The following ROR2 variants were observed in gnomAD, a reference collection of about 807,000 sequenced individuals.
ROR2 encodes the protein ROR family WNT receptor 2.
ROR2 carries 33 observed loss-of-function variants against 74.9 expected under a neutral mutation model. That is an observed-to-expected ratio of 0.44 (90% CI 0.33 to 0.59). The LOEUF is 0.59. Among genes scored for constraint, ROR2 ranks in the 20% least tolerant of loss-of-function variants. The pLI is 0.02. For missense variants in ROR2, 1,216 were observed against 1,313.8 expected (o/e 0.93, Z 1.15); for synonymous variants, 586 against 558.7 (o/e 1.05, Z -0.69).
intron 1 of ROR2, among the ~76,000 whole-genome samples, chr9:91,804,053 C>T (rs976152321): frequency 3.3e-5 from 5 of 152,174 alleles, no homozygotes; most frequent in African/African-American, 7.2e-5. Context: ...TCATTTCTGA[C>T]CTTTTGACAT....
chr9:91,844,598 C>T (rs747840012), intron 1 of ROR2, among the ~76,000 whole-genome samples: 2 of 152,176 alleles, frequency 1.3e-5, no homozygotes, highest in African/African-American at 2.4e-5. Flanking sequence ...TAGGAGGCAG[C>T]GGCTGGGGCT....
intron 1 of ROR2, among the ~76,000 whole-genome samples, chr9:91,914,768 A>T (rs1374219611): frequency 8.1e-6 from 1 of 123,446 alleles, no homozygotes; most frequent in Non-Finnish European, 1.8e-5. Context: ...TAGATCTGTC[A>T]TGACTAGGGG....
chr9:91,749,078 T>G (rs985042021), intron 4 of ROR2, among the ~76,000 whole-genome samples: 7 of 151,996 alleles, frequency 4.6e-5, no homozygotes, highest in African/African-American at 1.5e-4. Flanking sequence ...TAAAGAAATA[T>G]CAAACTACAA....
chr9:91,894,941 T>C (rs1016338972), intron 1 of ROR2, among the ~76,000 whole-genome samples: 1 of 152,192 alleles, frequency 6.6e-6, no homozygotes, highest in Non-Finnish European at 1.5e-5. Context: ...TATAAGGAGA[T>C]GAAAACTTAT....
chr9:91,780,592 A>G (rs1826584059), intron 1 of ROR2, among the ~76,000 whole-genome samples: 1 of 151,818 alleles, frequency 6.6e-6, no homozygotes, highest in Non-Finnish European at 1.5e-5. Flanking sequence ...GGAGTTTGAG[A>G]CCAGCCTGGC....
intron 1 of ROR2, among the ~76,000 whole-genome samples, chr9:91,824,569 G>C (rs1828227945): frequency 6.6e-6 from 1 of 152,204 alleles, no homozygotes; most frequent in African/African-American, 2.4e-5. Flanking sequence ...CAAAAATGTA[G>C]TAGGAAACAG....
intron 1 of ROR2, among the ~76,000 whole-genome samples, chr9:91,944,981 A>T (rs1318737047): frequency 2.0e-5 from 3 of 152,030 alleles, no homozygotes; most frequent in Non-Finnish European, 2.9e-5. Context: ...ACTTGAGCCC[A>T]GGAGGTAGAG....
intron 1 of ROR2, among the ~76,000 whole-genome samples, chr9:91,784,175 G>A (rs367751784): frequency 1.3e-5 from 2 of 152,158 alleles, no homozygotes. Context: ...CAACAGTGCT[G>A]ATTCCACCCT....
At chr9:91,917,378 A>G (rs1831163146) in intron 1 of ROR2, among the ~76,000 whole-genome samples, 1 of 152,318 alleles carries the variant, frequency 6.6e-6, no homozygotes, top group East Asian at 1.9e-4. Flanking sequence ...AAGAGACTGG[A>G]GTTCATGGGG....
At chr9:91,943,025 C>T (rs1289123623) in intron 1 of ROR2, among the ~76,000 whole-genome samples, 1 of 152,104 alleles carries the variant, frequency 6.6e-6, no homozygotes, top group South Asian at 2.1e-4. Flanking sequence ...GTCCTGGATG[C>T]CTATTTTGTT....
intron 1 of ROR2, among the ~76,000 whole-genome samples, chr9:91,873,469 TC>T (rs778800808): frequency 1.3e-5 from 2 of 151,940 alleles, no homozygotes; most frequent in Non-Finnish European, 2.9e-5. Flanking sequence ...GCGCCTACAT[TC>T]CCAGCTACTC....
chr9:91,871,569 A>T (rs1829797837), intron 1 of ROR2, among the ~76,000 whole-genome samples: 1 of 152,100 alleles, frequency 6.6e-6, no homozygotes, highest in African/African-American at 2.4e-5. Flanking sequence ...CATGCTCTCC[A>T]TATGGTGTCC....
intron 1 of ROR2, among the ~76,000 whole-genome samples, chr9:91,899,812 A>G (rs1243300339): frequency 6.6e-6 from 1 of 152,128 alleles, no homozygotes; most frequent in East Asian, 1.9e-4. Flanking sequence ...ACTCACACGT[A>G]CGCACACGTA....
At chr9:91,932,280 G>C (rs1041621975) in intron 1 of ROR2, among the ~76,000 whole-genome samples, 9 of 152,088 alleles carry the variant, frequency 5.9e-5, no homozygotes, top group African/African-American at 2.2e-4. Context: ...TCTAATATAT[G>C]TCTCAAAACT....
chr9:91,802,319 G>T (rs1037814650), intron 1 of ROR2, among the ~76,000 whole-genome samples: 1 of 151,862 alleles, frequency 6.6e-6, no homozygotes, highest in African/African-American at 2.4e-5. Flanking sequence ...CTCATGATCC[G>T]CCTGCCTCGG....
intron 1 of ROR2, among the ~76,000 whole-genome samples, chr9:91,901,343 G>C (rs80315762): frequency 0.013 from 1,930 of 152,268 alleles, 19 homozygotes; most frequent in Non-Finnish European, 0.02. Flanking sequence ...CAATAACTAG[G>C]AGGTAGTGAT....
intron 1 of ROR2, among the ~76,000 whole-genome samples, chr9:91,920,628 A>C (rs998633558): frequency 1.3e-5 from 2 of 152,352 alleles, no homozygotes; most frequent in South Asian, 2.1e-4. Context: ...GGTACTTCCT[A>C]AACACCTGGT....
At chr9:91,844,994 A>T (rs1828883506) in intron 1 of ROR2, among the ~76,000 whole-genome samples, 1 of 152,210 alleles carries the variant, frequency 6.6e-6, no homozygotes, top group South Asian at 2.1e-4. Flanking sequence ...AGACAAAGCA[A>T]AATGCATTCA....
At chr9:91,891,901 A>T (rs763257672) in intron 1 of ROR2, among the ~76,000 whole-genome samples, 1 of 152,140 alleles carries the variant, frequency 6.6e-6, no homozygotes, top group Non-Finnish European at 1.5e-5. Context: ...TACAAAAATT[A>T]GCCAGGCGTG....
Sources: allele counts gnomAD v4.1 joint callset (sites outside exome capture counted in the v4.1 genomes callset), GRCh38; gene constraint gnomAD v4.1.1; transcripts MANE v1.5; gene names NCBI Gene and HGNC (gene_info 2026-07-23, HGNC 2026-07-21).